The following TMC2 variants were observed in gnomAD, a reference collection of about 807,000 sequenced individuals.
TMC2 encodes transmembrane channel-like protein 2.
TMC2 carries 102 observed loss-of-function variants against 105.9 expected under a neutral mutation model. The ratio of observed to expected loss-of-function variants is 0.96; its 90% CI spans 0.82 to 1.14. TMC2 has a LOEUF of 1.14. TMC2 is among the 50% of genes most tolerant of loss of function. The pLI, the probability that TMC2 is intolerant of heterozygous loss-of-function variation, is 0.00. For missense variants in TMC2, 1,093 were observed against 1,134.3 expected (o/e 0.96, Z 0.52); for synonymous variants, 402 against 422.8 (o/e 0.95, Z 0.60).
intron 17 of TMC2, among the ~76,000 whole-genome samples, chr20:2,628,698 C>G (rs557126489): frequency 5.9e-5 from 9 of 152,338 alleles, no homozygotes; most frequent in Admixed American, 2.6e-4. Context: ...CCTTCACCTT[C>G]CACCTGTAAG....
At position 2,592,244 on chromosome 20, in the gene TMC2, A is replaced by G. The variant is rs138588376; in HGVS notation, c.835-66A>G. On this transcript the variant is annotated intron_variant, in intron 7 of 19. Coordinates refer to ENST00000358864, the MANE Select transcript of TMC2 (RefSeq NM_080751.3). This position sits in a 1 kb window ranked among gnomAD's most constrained non-coding sequence, Gnocchi z 4.9. ...TGAGAAGGAAAGCATTTACCCCAGT[A>G]TATGAATGTCTCTGTGTGTTTGTAT... The G allele has an allele frequency of 2.8e-3, 2,791 of 1,001,798 alleles. 36 individuals carry two copies. The highest frequency in any genetic ancestry group is 0.018 in the South Asian group (1,330 of 75,506). The allele number at this position is 1,001,798 out of a possible 1,614,324, so 62.1% of individuals were successfully genotyped here.
chr20:2,638,936 C>A (rs2086668984), intron 19 of TMC2, among the ~76,000 whole-genome samples: 2 of 152,052 alleles, frequency 1.3e-5, no homozygotes, highest in Non-Finnish European at 2.9e-5. Flanking sequence ...CACTCTGTCA[C>A]CCAGGCTGGA....
chr20:2,542,698 ATT>A (rs34716851), intron 2 of TMC2, among the ~76,000 whole-genome samples: 11 of 135,850 alleles, frequency 8.1e-5, no homozygotes, highest in Non-Finnish European at 7.8e-5. Flanking sequence ...TTAGTCCACA[ATT>A]TTTTTTTTTT....
chr20:2,613,723 C>A lies in TMC2; in HGVS notation c.1872+401C>A, dbSNP rs1207285521. 2.0e-5 allele frequency: 6 copies of A among 296,572 alleles called. No homozygotes were observed. The East Asian group carries it at 5.5e-4, about 27-fold the overall frequency. The allele number at this position is 296,572 out of a possible 1,614,324, so 18.4% of individuals were successfully genotyped here. On this transcript the variant is annotated intron_variant, in intron 14 of 19. Coordinates refer to ENST00000358864, the MANE Select transcript of TMC2 (RefSeq NM_080751.3). ...TGGAACACACCAAGAACACAATAAC[C>A]ATTGGTCCTGTCTTCTGGATGATGC...
intron 18 of TMC2, among the ~76,000 whole-genome samples, 174 bp from the exon 19 acceptor site, chr20:2,637,300 A>C (rs2086654825): frequency 6.6e-6 from 1 of 150,632 alleles, no homozygotes; most frequent in Non-Finnish European, 1.5e-5. Flanking sequence ...GGGCAGGAGA[A>C]TCGCTTGAAC....
rs117997669 is a variant in TMC2, at chr20:2,589,510, G to A, written c.835-2800G>A. ...TTTAGCTGCTGTGATTGAAATCAAC[G>A]AATAACTCATGGGGAACAGCAATGC... is the stretch of plus-strand genomic sequence containing the variant. On this transcript the variant is annotated intron_variant, in intron 7 of 19. Transcript: ENST00000358864. 7.1e-3 allele frequency among the ~76,000 whole-genome samples: 1,082 copies of A among 152,022 alleles called. 8 individuals are homozygous for A. The highest frequency in any genetic ancestry group is 0.011 in the Non-Finnish European group (734 of 67,996).
Position 2,641,529 on chromosome 20 carries a change from A to G in TMC2, c.*178A>G, listed in dbSNP as rs1046032418. On this transcript the variant is annotated 3_prime_UTR_variant, in exon 20 of 20. Transcript: ENST00000358864. ...TTGTCAGCTACCGAAGGAGGAAGACAGTGGCTTCACCTGTCCTTTAGGGAA... is the reference window on the plus strand; with the variant it reads ...TTGTCAGCTACCGAAGGAGGAAGACGGTGGCTTCACCTGTCCTTTAGGGAA... 15 of 590,968 alleles carry G rather than the reference A, an allele frequency of 2.5e-5. No homozygotes were observed. The highest frequency in any genetic ancestry group is 3.9e-5 in the Non-Finnish European group (13 of 331,896). The allele number at this position is 590,968 out of a possible 1,614,324, so 36.6% of individuals were successfully genotyped here.
chr20:2,596,717 ATGTGTGTGTG>A (rs35925886), intron 9 of TMC2, among the ~76,000 whole-genome samples: 1 of 146,128 alleles, frequency 6.8e-6, no homozygotes, highest in African/African-American at 2.5e-5. Context: ...AAAAATATAT[ATGTGTGTGTG>A]TGTGTGTGTG....
chr20:2,609,819 A>G (rs908076419), intron 11 of TMC2, among the ~76,000 whole-genome samples: 5 of 151,984 alleles, frequency 3.3e-5, no homozygotes, highest in Admixed American at 2.0e-4. Flanking sequence ...GCAGGGATTT[A>G]CTTTCCACTG....
chr20:2,622,526 G>A (rs562303930), intron 16 of TMC2, among the ~76,000 whole-genome samples: 1 of 151,986 alleles, frequency 6.6e-6, no homozygotes, highest in Non-Finnish European at 1.5e-5. Context: ...AAATTAGCCG[G>A]GCGTAGTGGT....
intron 4 of TMC2, among the ~76,000 whole-genome samples, chr20:2,570,105 T>A (rs1449602457): frequency 6.6e-6 from 1 of 152,108 alleles, no homozygotes; most frequent in East Asian, 1.9e-4. Context: ...CTTCTCCTAT[T>A]CAACATAGTA....
At chr20:2,600,113 T>C (rs917605763) in intron 10 of TMC2, among the ~76,000 whole-genome samples, 1 of 152,226 alleles carries the variant, frequency 6.6e-6, no homozygotes, top group African/African-American at 2.4e-5. Flanking sequence ...GGGCTTTGAC[T>C]TTTCCTCCAG....
Position 2,561,874 on chromosome 20 carries a change from T to C in TMC2, c.418T>C (p.Ser140Pro). 6.2e-7 allele frequency: 1 copy of C among 1,613,978 alleles called. No individual in the cohort carries two copies. Among genetic ancestry groups the C allele is most frequent in the East Asian group, 2.2e-5 (1 of 44,890 alleles). ...TGCCTCCAGGTCATCCTCCTTGGCC[T>C]CCAGTGCCTCTGGTGGGGAGTCCCT... Reference protein sequence around the residue: ...QKKPRSSSLASSASGGESLSE... With the variant: ...QKKPRSSSLAPSASGGESLSE... The change falls in exon 4 of 20, where the codon TCC becomes CCC. Residue 140 changes from serine to proline, a missense_variant. Ser to Pro is a moderately conservative substitution (Grantham distance 74). Transcript: ENST00000358864.
In TMC2 at chr20:2,616,310, T is replaced by A; in HGVS notation, c.1940+106T>A. 1 of 913,148 alleles carries A rather than the reference T, an allele frequency of 1.1e-6. No individual in the cohort carries two copies. The highest frequency in any genetic ancestry group is 2.4e-5 in the East Asian group (1 of 41,534). The allele number at this position is 913,148 out of a possible 1,614,324, so 56.6% of individuals were successfully genotyped here. A position where few individuals can be genotyped will look rare whatever the true frequency, so the allele number is the denominator to read the frequency against. The stretch of plus-strand genomic sequence containing the variant: ...TTGGAAGAGGCTAGATAAGTCCTCT[T>A]GCCTCTCTGAACTCCCCTCTTTCAC... On this transcript the variant is annotated intron_variant, in intron 15 of 19. Coordinates refer to ENST00000358864, the MANE Select transcript of TMC2 (RefSeq NM_080751.3). This position sits in a 1 kb window ranked among gnomAD's most constrained non-coding sequence, Gnocchi z 4.8.
In TMC2 at chr20:2,558,458, G is replaced by T; in HGVS notation, c.85G>T (p.Asp29Tyr). The change falls in exon 3 of 20, where the codon GAC becomes TAC. Residue 29 changes from aspartate (D) to tyrosine (Y), a missense_variant and splice_region_variant. By Grantham distance (160) the Asp-to-Tyr change is radical. Transcript: ENST00000358864. The surrounding 1 kb of genome is among the most constrained non-coding windows in gnomAD (Gnocchi z 4.6). ...RVKSGSPHTG[D>Y]RLGRRSSSKR... ...TGTCCATTTTCCCGCCCCGGCAGGTGACAGGCTGGGAAGGAGATCCTCAAG... is the reference window on the plus strand; with the variant it reads ...TGTCCATTTTCCCGCCCCGGCAGGTTACAGGCTGGGAAGGAGATCCTCAAG... 1 of 1,555,378 alleles carries T rather than the reference G, an allele frequency of 6.4e-7. No individual in the cohort carries two copies. Among genetic ancestry groups the T allele is most frequent in the South Asian group, 1.2e-5 (1 of 84,228 alleles).
intron 4 of TMC2, among the ~76,000 whole-genome samples, chr20:2,562,754 T>G (rs2086036029): frequency 6.6e-6 from 1 of 152,144 alleles, no homozygotes; most frequent in Non-Finnish European, 1.5e-5. Flanking sequence ...GAGACCAGCC[T>G]GGACAACATG....
chr20:2,626,545 T>C (rs1004549415), intron 17 of TMC2, among the ~76,000 whole-genome samples: 7 of 152,238 alleles, frequency 4.6e-5, no homozygotes, highest in Non-Finnish European at 1.0e-4. Context: ...GAAAGAAATA[T>C]AGACTTATCT....
At position 2,558,995 on chromosome 20, in the gene TMC2, T is replaced by C. The variant is rs2086005644; in HGVS notation, c.401+221T>C. ...AAGATCGCGGGTCCGCGCGGGGGAG[T>C]GGCCGCGGGCTCTCCACTCCAGCGC... On this transcript the variant is annotated intron_variant, in intron 3 of 19. Coordinates refer to ENST00000358864, the MANE Select transcript of TMC2 (RefSeq NM_080751.3). The surrounding 1 kb of genome is among the most constrained non-coding windows in gnomAD (Gnocchi z 4.6). Among the ~76,000 whole-genome samples, 1 of 151,484 alleles carries C rather than the reference T, an allele frequency of 6.6e-6. No individual in the cohort carries two copies. Among genetic ancestry groups the C allele is most frequent in the Non-Finnish European group, 1.5e-5 (1 of 67,868 alleles).
At chr20:2,553,579 T>C (rs919376682) in intron 2 of TMC2, among the ~76,000 whole-genome samples, 3 of 152,272 alleles carry the variant, frequency 2.0e-5, no homozygotes, top group African/African-American at 7.2e-5. Flanking sequence ...GCTGGCGTCA[T>C]GAAATGAGTT....
Sources: gnomAD v4.1 joint callset for allele counts (sites outside exome capture counted in the v4.1 genomes callset) on GRCh38, gnomAD v4.1.1 for gene constraint, Gnocchi (gnomAD v3.1) non-coding constraint, MANE v1.5 for transcripts, NCBI Gene and HGNC (gene_info 2026-07-23, HGNC 2026-07-21) for gene names.